RABIF: variants seen among roughly 807,000 people sequenced by gnomAD.
RABIF encodes the protein RAB interacting factor, also known as guanine nucleotide exchange factor MSS4.
Under a neutral mutation model 12.3 loss-of-function variants are expected in RABIF, and 13 were observed. The observed-to-expected ratio is 1.06, with a 90% CI of 0.69 to 1.68. RABIF has a LOEUF of 1.68. RABIF is among the 40% of genes most tolerant of loss of function. RABIF has a pLI of 0.00. For missense variants in RABIF, 153 were observed against 158.0 expected (o/e 0.97, Z 0.17); for synonymous variants, 70 against 63.3 (o/e 1.11, Z -0.50).
chr1:202,881,130 T>C lies in RABIF; in HGVS notation c.220A>G (p.Met74Val). 8.1e-6 allele frequency: 13 copies of C among 1,614,166 alleles called. No homozygotes were observed. Among genetic ancestry groups the C allele is most frequent in the South Asian group, 1.1e-5 (1 of 91,084 alleles). Residue 74 changes from methionine (M) to valine (V), a missense_variant, in exon 2 of 2, where the codon ATG becomes GTG. Met to Val is a conservative substitution (Grantham distance 21). This residue lies in a region of RABIF where 40 missense variants were observed against 67.1 expected (regional missense o/e 0.60). Transcript: ENST00000367262. Reference sequence around the variant, plus strand: ...AAGCCCACATTCTCAAAAATGAACATGTCCTCAACCAGCCAGTGTTCCTGG... The same window carrying C: ...AAGCCCACATTCTCAAAAATGAACACGTCCTCAACCAGCCAGTGTTCCTGG... Reference protein sequence around the residue: ...LLQEHWLVEDMFIFENVGFTK... With the variant: ...LLQEHWLVEDVFIFENVGFTK...
At chr1:202,888,888 T>C (rs976838107) in intron 1 of RABIF, 85 bp downstream of exon 1, 3 of 1,421,634 alleles carry the variant, frequency 2.1e-6, no homozygotes, top group East Asian at 2.8e-5. Context: ...TTGCCGGAAA[T>C]TGAAGAGCCG....
At chr1:202,887,029 G>T (rs75032315) in intron 1 of RABIF, among the ~76,000 whole-genome samples, 1,706 of 25,932 alleles carry the variant, frequency 0.066, 55 homozygotes, top group African/African-American at 0.1. Context: ...GCTATGTTTT[G>T]TTTTTTTTTT....
chr1:202,885,696 G>C (rs1248127900), intron 1 of RABIF, among the ~76,000 whole-genome samples: 1 of 152,240 alleles, frequency 6.6e-6, no homozygotes, highest in Non-Finnish European at 1.5e-5. Context: ...ACAGAGCAGG[G>C]AAAGGACTAA....
chr1:202,888,831 G>T, intron 1 of RABIF, 142 bp downstream of exon 1: 1 of 1,200,308 alleles, frequency 8.3e-7, no homozygotes, highest in Non-Finnish European at 1.1e-6. Context: ...GCCTCGCCGA[G>T]CTGAGGCCCG....
chr1:202,889,118 T>G lies in RABIF; in HGVS notation c.-20A>C, dbSNP rs754577180. ...TTCCATCGCCGCTGCCGCCACAGGC[T>G]CCTCAGCCACGGCTGCGCAGACGCT... is the stretch of plus-strand genomic sequence containing the variant. On this transcript the variant is annotated 5_prime_UTR_variant, in exon 1 of 2. Transcript: ENST00000367262. 3.1e-6 allele frequency: 5 copies of G among 1,597,488 alleles called. No individual in the cohort carries two copies. Among genetic ancestry groups the G allele is most frequent in the East Asian group, 4.5e-5 (2 of 44,068 alleles).
Position 202,889,089 on chromosome 1 carries a change from C to T in RABIF, c.10G>A (p.Ala4Thr). Residue 4 changes from alanine (A) to threonine (T), a missense_variant, in exon 1 of 2, where the codon GCG becomes ACG. By Grantham distance (58) the Ala-to-Thr change is moderately conservative (BLOSUM62 0). This residue lies in a region of RABIF where 113 missense variants were observed against 90.9 expected (regional missense o/e 1.24). Transcript: ENST00000367262. ...GACACTAACTCGCTCGGCTGCTCCG[C>T]TGGTTCCATCGCCGCTGCCGCCACA... MEP[A>T]EQPSELVSAE... 2.5e-6 allele frequency: 4 copies of T among 1,605,082 alleles called. No individual in the cohort carries two copies. Among genetic ancestry groups the T allele is most frequent in the South Asian group, 2.2e-5 (2 of 90,454 alleles).
intron 1 of RABIF, among the ~76,000 whole-genome samples, chr1:202,884,552 T>G (rs1156358972): frequency 1.3e-5 from 2 of 152,130 alleles, no homozygotes; most frequent in African/African-American, 4.8e-5. Context: ...CGGGGAGCCT[T>G]CAGCCACTGT....
intron 1 of RABIF, among the ~76,000 whole-genome samples, chr1:202,884,359 G>T (rs1004592724): frequency 3.3e-5 from 5 of 152,024 alleles, no homozygotes; most frequent in African/African-American, 4.8e-5. Flanking sequence ...TTTCCCTTCT[G>T]GGAGTTACTT....
At chr1:202,885,909 C>G (rs779510394) in intron 1 of RABIF, among the ~76,000 whole-genome samples, 3 of 151,336 alleles carry the variant, frequency 2.0e-5, no homozygotes, top group Non-Finnish European at 2.9e-5. Context: ...ACAGTTCTTT[C>G]TCAAGAAATA....
chr1:202,882,972 G>A (rs1463170092), intron 1 of RABIF, among the ~76,000 whole-genome samples: 3 of 152,120 alleles, frequency 2.0e-5, no homozygotes, highest in African/African-American at 7.2e-5. Context: ...ATTAGCTCTA[G>A]GATGCTTGTA....
At chr1:202,888,223 A>C (rs779123270) in intron 1 of RABIF, among the ~76,000 whole-genome samples, 3 of 152,208 alleles carry the variant, frequency 2.0e-5, no homozygotes, top group Non-Finnish European at 4.4e-5. Context: ...CAGTTTACCG[A>C]AATAAATTTT....
Position 202,889,066 on chromosome 1 carries a change from C to A in RABIF, c.33G>T (p.Val11=). The change falls in exon 1 of 2, where the codon GTG becomes GTT. Residue 11 remains valine, a synonymous_variant. Coordinates refer to ENST00000367262, the MANE Select transcript of RABIF (RefSeq NM_002871.5). ...CCTTCCGGTTTCGGCCCTCGGCTGA[C>A]ACTAACTCGCTCGGCTGCTCCGCTG... MEPAEQPSEL[V]SAEGRNRKAV... The A allele has an allele frequency of 6.2e-7, 1 of 1,611,070 alleles. No homozygotes were observed. The highest frequency in any genetic ancestry group is 8.5e-7 in the Non-Finnish European group (1 of 1,178,958).
rs1259421321 is a variant in RABIF at position 202,878,550 on chromosome 1, T to C, written c.*2428A>G. On this transcript the variant is annotated 3_prime_UTR_variant, in exon 2 of 2. Coordinates refer to ENST00000367262, the MANE Select transcript of RABIF (RefSeq NM_002871.5). Reference sequence around the variant, plus strand: ...TATCAGAAGCAGAAGTCCTCATAGTTACTCAGTTACATGTGTAGCCTCATA... The same window carrying C: ...TATCAGAAGCAGAAGTCCTCATAGTCACTCAGTTACATGTGTAGCCTCATA... Among the ~76,000 whole-genome samples the C allele has an allele frequency of 6.6e-6, 1 of 152,240 alleles. No individual in the cohort carries two copies. The highest frequency in any genetic ancestry group is 2.4e-5 in the African/African-American group (1 of 41,458).
At chr1:202,883,550 A>G (rs1274709012) in intron 1 of RABIF, among the ~76,000 whole-genome samples, 2 of 152,244 alleles carry the variant, frequency 1.3e-5, no homozygotes, top group Admixed American at 6.5e-5. Flanking sequence ...GAAATCTCAC[A>G]TATCTTCACA....
rs768085788 is a variant in RABIF at position 202,881,008 on chromosome 1, A to T, written c.342T>A (p.Tyr114Ter). 1 of 1,614,220 alleles carries T rather than the reference A, an allele frequency of 6.2e-7. No homozygotes were observed. The highest frequency in any genetic ancestry group is 1.7e-5 in the Admixed American group (1 of 60,028). The change falls in exon 2 of 2, where the codon TAT becomes TAA. Residue 114 changes from tyrosine to a stop codon, truncating the protein, a stop_gained. Transcript: ENST00000367262. LOFTEE classifies it high-confidence loss of function. ...WHCLDDKNSF[Y>*]VALERVSHE ...CATGGGAAACTCGTTCCAAGGCCAC[A>T]TAGAAACTGTTCTTGTCATCTAGGC...
intron 1 of RABIF, among the ~76,000 whole-genome samples, chr1:202,885,336 A>G (rs1262543718): frequency 6.6e-6 from 1 of 152,242 alleles, no homozygotes; most frequent in East Asian, 1.9e-4. Flanking sequence ...CCTCAAAGGT[A>G]GGACTGGCAA....
intron 1 of RABIF, among the ~76,000 whole-genome samples, chr1:202,887,058 CAATT>C (rs890836734): frequency 2.6e-4 from 33 of 126,010 alleles, no homozygotes; most frequent in African/African-American, 9.1e-4. Context: ...AAAGAAAAAA[CAATT>C]AAGAATTTTA....
rs1405190739 is a variant in RABIF, at chr1:202,880,736, C to T, written c.*242G>A. On this transcript the variant is annotated 3_prime_UTR_variant, in exon 2 of 2. Coordinates refer to ENST00000367262, the MANE Select transcript of RABIF (RefSeq NM_002871.5). Reference sequence around the variant, plus strand: ...AGATTTTTGGAGGTAAGCACAGTGTCCCAAAACTGGGGGAAAAGGGAGCTT... The same window carrying T: ...AGATTTTTGGAGGTAAGCACAGTGTTCCAAAACTGGGGGAAAAGGGAGCTT... The T allele has an allele frequency of 1.6e-6, 2 of 1,268,990 alleles. No homozygotes were observed. Among genetic ancestry groups the T allele is most frequent in the Non-Finnish European group, 2.0e-6 (2 of 1,000,990 alleles). 78.6% of individuals were successfully genotyped at this position (1,268,990 alleles called of 1,614,324 possible). A position where few individuals can be genotyped will look rare whatever the true frequency, so the allele number is the denominator to read the frequency against.
At position 202,880,727 on chromosome 1, in the gene RABIF, GCA is replaced by G. The variant is rs552000226; in HGVS notation, c.*249_*250del. 5.1e-4 allele frequency: 642 copies of G among 1,248,544 alleles called. 1 individual carries two copies. Among genetic ancestry groups the G allele is most frequent in the Middle Eastern group, 6.4e-4 (2 of 3,148 alleles). 77.3% of individuals were successfully genotyped at this position (1,248,544 alleles called of 1,614,324 possible). On this transcript the variant is annotated 3_prime_UTR_variant, in exon 2 of 2. Coordinates refer to ENST00000367262, the MANE Select transcript of RABIF (RefSeq NM_002871.5). ...GAAGAGATGAGATTTTTGGAGGTAA[GCA>G]CAGTGTCCCAAAACTGGGGGAAAAG...
Sources: allele counts gnomAD v4.1 joint callset (sites outside exome capture counted in the v4.1 genomes callset), GRCh38; gene constraint gnomAD v4.1.1; regional missense constraint gnomAD v4.1.1; transcripts MANE v1.5; gene names NCBI Gene and HGNC (gene_info 2026-07-23, HGNC 2026-07-21).